Variants in ANGPTL4 observed in about 807,000 individuals in gnomAD.
ANGPTL4 encodes angiopoietin like 4, also known as angiopoietin-related protein 4.
In ANGPTL4, 39 loss-of-function variants were observed where a neutral mutation model predicts 39.2. The observed-to-expected ratio is 1.00, with a 90% CI of 0.77 to 1.30. The LOEUF is 1.30. ANGPTL4 is among the 50% of genes most tolerant of loss of function. ANGPTL4 has a pLI of 0.00. For missense variants in ANGPTL4, 545 were observed against 549.8 expected, an observed-to-expected ratio of 0.99 and a Z score of 0.09; for synonymous variants, 233 against 229.5, an observed-to-expected ratio of 1.02 and a Z score of -0.14.
Position 8,370,348 on chromosome 19 carries a change from G to A in ANGPTL4, c.662-708G>A, listed in dbSNP as rs1345650556. Among the ~76,000 whole-genome samples the A allele has an allele frequency of 6.6e-5, 10 of 151,748 alleles. No homozygotes were observed. The South Asian group carries it at 8.3e-4, about 13-fold the overall frequency. ...TTCAGCCCAGGAGTTAAAGGCTGCCGTGAGCCGTGATCACACCTGTGAATA... is the reference window on the plus strand; with the variant it reads ...TTCAGCCCAGGAGTTAAAGGCTGCCATGAGCCGTGATCACACCTGTGAATA... On this transcript the variant is annotated intron_variant, in intron 4 of 6. Transcript: ENST00000301455.
chr19:8,364,539 T>C lies in ANGPTL4; in HGVS notation c.218T>C (p.Leu73Pro). The change falls in exon 1 of 7, where the codon CTG becomes CCG. Residue 73 changes from leucine (L) to proline (P), a missense_variant. Physicochemically the swap from Leu to Pro is moderately conservative, Grantham distance 98 (BLOSUM62 -3). Coordinates refer to ENST00000301455, the MANE Select transcript of ANGPTL4 (RefSeq NM_139314.3). ...RSQLSALERR[L>P]SACGSACQGT... The stretch of plus-strand genomic sequence containing the variant: ...CAGCTGAGCGCGCTGGAGCGGCGCC[T>C]GAGCGCGTGCGGGTCCGCCTGTCAG... The C allele has an allele frequency of 6.4e-7, 1 of 1,572,982 alleles. No individual in the cohort carries two copies. Among genetic ancestry groups the C allele is most frequent in the South Asian group, 1.2e-5 (1 of 85,952 alleles).
intron 6 of ANGPTL4, 169 bp from the exon 7 acceptor site, chr19:8,373,536 A>G (rs1261380412): frequency 3.3e-5 from 9 of 274,556 alleles, no homozygotes; most frequent in Non-Finnish European, 5.0e-5. Flanking sequence ...GCACCACTGC[A>G]CTCCAGCCTG....
At position 8,364,285 on chromosome 19, in the gene ANGPTL4, G is replaced by A. The variant is rs1161954646; in HGVS notation, c.-37G>A. ...GCACCTGGAACCCCAACGTCCCCGA[G>A]AGTCCCCGAATCCCCGCTCCCAGGC... On this transcript the variant is annotated 5_prime_UTR_variant, in exon 1 of 7. Transcript: ENST00000301455. 2 of 1,527,466 alleles carry A rather than the reference G, an allele frequency of 1.3e-6. No homozygotes were observed. The highest frequency in any genetic ancestry group is 2.4e-5 in the South Asian group (2 of 83,636). The allele number at this position is 1,527,466 out of a possible 1,614,324, so 94.6% of individuals were successfully genotyped here.
chr19:8,364,278 T>A lies in ANGPTL4; in HGVS notation c.-44T>A, dbSNP rs948267922. 30 of 1,522,694 alleles carry A rather than the reference T, an allele frequency of 2.0e-5. No homozygotes were observed. The African/African-American group carries it at 3.7e-4, about 19-fold the overall frequency. 94.3% of individuals were successfully genotyped at this position (1,522,694 alleles called of 1,614,324 possible). ...AGTCCTCGCACCTGGAACCCCAACG[T>A]CCCCGAGAGTCCCCGAATCCCCGCT... On this transcript the variant is annotated 5_prime_UTR_variant, in exon 1 of 7. Coordinates refer to ENST00000301455, the MANE Select transcript of ANGPTL4 (RefSeq NM_139314.3).
intron 1 of ANGPTL4, among the ~76,000 whole-genome samples, chr19:8,364,976 C>T (rs1423296399): frequency 6.6e-6 from 1 of 152,152 alleles, no homozygotes; most frequent in African/African-American, 2.4e-5. Context: ...CGAGACTAGC[C>T]TGGCCAACAT....
chr19:8,372,784 C>A (rs1057313037), intron 6 of ANGPTL4, among the ~76,000 whole-genome samples: 4 of 151,778 alleles, frequency 2.6e-5, no homozygotes, highest in Non-Finnish European at 4.4e-5. Flanking sequence ...CAGAGTGAGA[C>A]CCCTGCCTCA....
intron 3 of ANGPTL4, among the ~76,000 whole-genome samples, chr19:8,368,751 C>G (rs1204544991): frequency 6.6e-6 from 1 of 152,124 alleles, no homozygotes; most frequent in African/African-American, 2.4e-5. Context: ...CCAGCTGCTC[C>G]GGAGGCTGCG....
At chr19:8,364,774 C>T (rs1970966294) in intron 1 of ANGPTL4, 135 bp downstream of exon 1, 1 of 1,160,118 alleles carries the variant, frequency 8.6e-7, no homozygotes, top group Non-Finnish European at 1.2e-6. Context: ...GGGATGGGCT[C>T]CCCCCTTAGG....
intron 4 of ANGPTL4, among the ~76,000 whole-genome samples, chr19:8,370,700 TAAAAAAA>T (rs33922743): frequency 1.0e-5 from 1 of 99,238 alleles, no homozygotes; most frequent in Admixed American, 1.1e-4. Flanking sequence ...ACTCCATCTC[TAAAAAAA>T]AAAAAAAAAA....
In ANGPTL4 at chr19:8,373,803, T is replaced by C. The variant is rs1485821532; in HGVS notation, c.1138T>C (p.Trp380Arg). ...GCAGAAGCTTAAGAAGGGAATCTTCTGGAAGACCTGGCGGGGCCGCTACTA... is the reference window on the plus strand; with the variant it reads ...GCAGAAGCTTAAGAAGGGAATCTTCCGGAAGACCTGGCGGGGCCGCTACTA... Reference protein sequence around the residue: ...QRQKLKKGIFWKTWRGRYYPL... With the variant: ...QRQKLKKGIFRKTWRGRYYPL... The change falls in exon 7 of 7, where the codon TGG (tryptophan) becomes CGG (arginine). Residue 380 changes from tryptophan to arginine, a missense_variant. Coordinates refer to ENST00000301455, the MANE Select transcript of ANGPTL4 (RefSeq NM_139314.3). The C allele has an allele frequency of 8.7e-6, 14 of 1,613,926 alleles. No homozygotes were observed. The African/African-American group carries it at 1.7e-4, about 20-fold the overall frequency.
intron 3 of ANGPTL4, among the ~76,000 whole-genome samples, chr19:8,367,041 C>T (rs1243275689): frequency 6.6e-6 from 1 of 152,148 alleles, no homozygotes; most frequent in African/African-American, 2.4e-5. Context: ...CACGGTTTCT[C>T]TGTGGTCCTC....
intron 3 of ANGPTL4, 128 bp from the exon 4 acceptor site, chr19:8,369,091 G>A: frequency 1.5e-6 from 1 of 683,954 alleles, no homozygotes; most frequent in Non-Finnish European, 2.6e-6. Flanking sequence ...CAGAGAGGTG[G>A]TCATGAGATA....
chr19:8,364,886 A>C (rs967394523), intron 1 of ANGPTL4, among the ~76,000 whole-genome samples: 2 of 143,376 alleles, frequency 1.4e-5, no homozygotes, highest in Admixed American at 7.1e-5. Context: ...CACACACACA[A>C]AATAAATAAA....
chr19:8,369,475 T>G, intron 4 of ANGPTL4, 143 bp downstream of exon 4: 1 of 575,842 alleles, frequency 1.7e-6, no homozygotes, highest in Non-Finnish European at 3.0e-6. Flanking sequence ...TTTTTTTTTT[T>G]TGAGATGGAG....
At chr19:8,370,126 C>T (rs1971084790) in intron 4 of ANGPTL4, among the ~76,000 whole-genome samples, 1 of 152,082 alleles carries the variant, frequency 6.6e-6, no homozygotes. Context: ...TCTCTTGAAC[C>T]TGGGAGGCAG....
intron 3 of ANGPTL4, among the ~76,000 whole-genome samples, chr19:8,368,036 T>TTTTTTTGG (rs71175845): frequency 6.6e-6 from 1 of 150,994 alleles, no homozygotes; most frequent in Non-Finnish European, 1.5e-5. Context: ...TTTTTTTTTT[T>TTTTTTTGG]GAGACAGAGT....
chr19:8,368,024 CT>C (rs762259435), intron 3 of ANGPTL4, among the ~76,000 whole-genome samples: 90 of 129,036 alleles, frequency 7.0e-4, no homozygotes, highest in East Asian at 3.3e-3. Flanking sequence ...TTTATCAAGT[CT>C]TTTTTTTTTT....
intron 4 of ANGPTL4, among the ~76,000 whole-genome samples, chr19:8,369,812 C>G (rs1174360117): frequency 6.6e-6 from 1 of 152,002 alleles, no homozygotes; most frequent in Non-Finnish European, 1.5e-5. Flanking sequence ...GTAATCCCGA[C>G]ACTTTGGGAG....
At position 8,371,864 on chromosome 19, in the gene ANGPTL4, T is replaced by G. The variant is rs979404602; in HGVS notation, c.1039+342T>G. On this transcript the variant is annotated intron_variant, in intron 6 of 6. Coordinates refer to ENST00000301455, the MANE Select transcript of ANGPTL4 (RefSeq NM_139314.3). This position sits in a 1 kb window ranked among gnomAD's most constrained non-coding sequence, Gnocchi z 5.1. ...GCTCCACCTCCTGAGTTCACACCAT[T>G]CTCCTGCCTCAGCCTCCCGAGTAGC... Among the ~76,000 whole-genome samples the G allele has an allele frequency of 6.6e-6, 1 of 151,984 alleles. No homozygotes were observed. The highest frequency in any genetic ancestry group is 2.4e-5 in the African/African-American group (1 of 41,378).
Sources: allele counts gnomAD v4.1 joint callset (sites outside exome capture counted in the v4.1 genomes callset), GRCh38; gene constraint gnomAD v4.1.1; non-coding constraint Gnocchi (gnomAD v3.1); transcripts MANE v1.5; gene names NCBI Gene and HGNC (gene_info 2026-07-23, HGNC 2026-07-21).